Variants in SLC30A9 observed in about 807,000 individuals in gnomAD.
SLC30A9 encodes solute carrier family 30 member 9.
In SLC30A9, 58 loss-of-function variants were observed where a neutral mutation model predicts 87.5. The observed-to-expected ratio is 0.66, with a 90% CI of 0.54 to 0.82. SLC30A9 has a LOEUF of 0.82. SLC30A9 is among the 40% of genes least tolerant of loss of function. The pLI is 0.00. For synonymous variants in SLC30A9, 234 were observed against 233.0 expected (o/e 1.00, Z -0.04); for missense variants, 557 against 679.1 (o/e 0.82, Z 2.00).
At chr4:42,061,124 G>A (rs761034378) in intron 10 of SLC30A9, among the ~76,000 whole-genome samples, 28 of 152,040 alleles carry the variant, frequency 1.8e-4, no homozygotes, top group Middle Eastern at 3.2e-3. Flanking sequence ...TAAATTTTAG[G>A]TTGTGAAGAT....
Position 42,035,260 on chromosome 4 carries a change from T to A in SLC30A9, c.611-15T>A, listed in dbSNP as rs76665071. The A allele has an allele frequency of 4.4e-6, 7 of 1,588,042 alleles. No individual in the cohort carries two copies. In the East Asian group the frequency reaches 1.6e-4, roughly 36 times the overall value. On this transcript the variant is annotated splice_polypyrimidine_tract_variant and intron_variant, in intron 6 of 17. Transcript: ENST00000264451. ...AGAATATCTATGACCTAAATTTATT[T>A]TGTTATTCTTACAGGGCTATTTAGA...
chr4:42,015,335 T>C (rs1170984846), intron 2 of SLC30A9, among the ~76,000 whole-genome samples: 1 of 152,018 alleles, frequency 6.6e-6, no homozygotes, highest in Non-Finnish European at 1.5e-5. Flanking sequence ...GAGGCGAATA[T>C]AGAAAACTTT....
intron 1 of SLC30A9, among the ~76,000 whole-genome samples, chr4:41,998,195 A>G (rs760754730): frequency 1.6e-4 from 25 of 152,228 alleles, no homozygotes; most frequent in Non-Finnish European, 3.1e-4. Flanking sequence ...CTAGCTACAG[A>G]GGCCATGAGA....
At chr4:42,036,117 A>T (rs1356571585) in intron 7 of SLC30A9, among the ~76,000 whole-genome samples, 1 of 152,198 alleles carries the variant, frequency 6.6e-6, no homozygotes, top group Non-Finnish European at 1.5e-5. Context: ...CAGTCTTACT[A>T]AACTTCCAGA....
chr4:42,055,214 G>C (rs778306857), intron 9 of SLC30A9, among the ~76,000 whole-genome samples: 65 of 152,108 alleles, frequency 4.3e-4, no homozygotes, highest in Non-Finnish European at 7.6e-4. Context: ...TTTCTGAATA[G>C]ATGGAAATTG....
intron 15 of SLC30A9, among the ~76,000 whole-genome samples, chr4:42,073,803 GA>G (rs1026671418): frequency 5.3e-5 from 8 of 152,292 alleles, no homozygotes; most frequent in African/African-American, 1.9e-4. Flanking sequence ...CCTGGTCTTG[GA>G]AATGACATCT....
intron 1 of SLC30A9, among the ~76,000 whole-genome samples, chr4:41,996,042 C>T (rs1363651595): frequency 6.6e-6 from 1 of 151,246 alleles, no homozygotes. Flanking sequence ...AGAAAGAAAC[C>T]TGTTGTGTCT....
intron 8 of SLC30A9, among the ~76,000 whole-genome samples, chr4:42,046,526 G>T (rs565703321): frequency 3.5e-4 from 54 of 152,252 alleles, no homozygotes; most frequent in African/African-American, 1.3e-3. Context: ...ACTTACAAGG[G>T]ATGTGAAGGA....
intron 2 of SLC30A9, among the ~76,000 whole-genome samples, chr4:42,013,988 A>G (rs1715573611): frequency 6.6e-6 from 1 of 152,234 alleles, no homozygotes; most frequent in South Asian, 2.1e-4. Context: ...TTTGCAAACT[A>G]TTGATCTCAC....
At chr4:42,015,161 G>A (rs1278603092) in intron 2 of SLC30A9, among the ~76,000 whole-genome samples, 2 of 151,850 alleles carry the variant, frequency 1.3e-5, no homozygotes, top group Non-Finnish European at 2.9e-5. Context: ...AATACCTCAT[G>A]TACCCCATAA....
At chr4:42,049,326 C>T in intron 8 of SLC30A9, 51 bp from the exon 9 acceptor site, 1 of 1,174,544 alleles carries the variant, frequency 8.5e-7, no homozygotes, top group South Asian at 1.3e-5. Flanking sequence ...ATGCTTTTGG[C>T]TTAAATTTTT....
At position 42,041,763 on chromosome 4, in the gene SLC30A9, C is replaced by G. The variant is rs543847346; in HGVS notation, c.737+2710C>G. Reference sequence around the variant, plus strand: ...AAATAAATAGCCAGCTAGGGGGTGGCGGGCAAGATGGCTGGATAGGAACAG... The same window carrying G: ...AAATAAATAGCCAGCTAGGGGGTGGGGGGCAAGATGGCTGGATAGGAACAG... On this transcript the variant is annotated intron_variant, in intron 8 of 17. Transcript: ENST00000264451. Among the ~76,000 whole-genome samples, 47 of 152,100 alleles carry G rather than the reference C, an allele frequency of 3.1e-4. 1 individual carries two copies. The highest frequency in any genetic ancestry group is 3.7e-4 in the Non-Finnish European group (25 of 67,986).
intron 17 of SLC30A9, among the ~76,000 whole-genome samples, chr4:42,083,468 T>C (rs1718811859): frequency 1.3e-5 from 2 of 152,230 alleles, no homozygotes; most frequent in Admixed American, 1.3e-4. Context: ...CAGTAAACAT[T>C]GAATTTTAAG....
intron 2 of SLC30A9, among the ~76,000 whole-genome samples, chr4:42,013,808 G>A (rs1270877248): frequency 6.6e-6 from 1 of 152,074 alleles, no homozygotes; most frequent in Non-Finnish European, 1.5e-5. Context: ...AAAACATTGG[G>A]GAAACTCTCC....
intron 9 of SLC30A9, among the ~76,000 whole-genome samples, chr4:42,051,287 T>C (rs1275610372): frequency 6.6e-6 from 1 of 152,172 alleles, no homozygotes; most frequent in Admixed American, 6.5e-5. Flanking sequence ...AATAATTTAA[T>C]CACTTGCCAG....
intron 4 of SLC30A9, among the ~76,000 whole-genome samples, chr4:42,021,493 C>T (rs1715947133): frequency 6.6e-6 from 1 of 152,062 alleles, no homozygotes; most frequent in Non-Finnish European, 1.5e-5. Context: ...ACAAAATTTC[C>T]ATAGGAAGAT....
At chr4:42,083,582 A>C (rs1718814510) in intron 17 of SLC30A9, among the ~76,000 whole-genome samples, 1 of 152,198 alleles carries the variant, frequency 6.6e-6, no homozygotes, top group Non-Finnish European at 1.5e-5. Context: ...TGATTTTAAA[A>C]AGCAGAGCAA....
Position 42,022,866 on chromosome 4 carries a change from C to A in SLC30A9, c.463C>A (p.Arg155=). The change falls in exon 5 of 18, where the codon CGA becomes AGA. Residue 155 remains arginine (R), a synonymous_variant. Coordinates refer to ENST00000264451, the MANE Select transcript of SLC30A9 (RefSeq NM_006345.4). ...SDLEQLRKIR[R]RSPHEDTESF... is the part of the protein sequence containing the mutation. ...TCTAGAACAACTTCGAAAAATCAGA[C>A]GACGAAGTCCCCATGAAGATACTGA... The A allele has an allele frequency of 2.5e-6, 4 of 1,599,786 alleles. No individual in the cohort carries two copies. Among genetic ancestry groups the A allele is most frequent in the Middle Eastern group, 1.7e-4 (1 of 5,994 alleles).
chr4:42,075,534 C>A, intron 15 of SLC30A9, 123 bp from the exon 16 acceptor site: 2 of 811,880 alleles, frequency 2.5e-6, no homozygotes, highest in South Asian at 1.7e-5. Context: ...TACTCTGAAG[C>A]CATCTTAGTC....
Sources: gnomAD v4.1 joint callset for allele counts (sites outside exome capture counted in the v4.1 genomes callset) on GRCh38, gnomAD v4.1.1 for gene constraint, MANE v1.5 for transcripts, NCBI Gene and HGNC (gene_info 2026-07-23, HGNC 2026-07-21) for gene names.